Variants in TMEM135 observed in about 807,000 individuals in gnomAD.
TMEM135 encodes peroxisomal membrane protein 52.
TMEM135 carries 30 observed loss-of-function variants against 60.3 expected under a neutral mutation model. That is an observed-to-expected ratio of 0.50 (90% confidence interval 0.37 to 0.68). TMEM135 has a LOEUF of 0.68. Among genes scored for constraint, TMEM135 ranks in the 30% least tolerant of loss-of-function variants. The pLI is 0.00. For missense variants in TMEM135, 468 were observed against 548.8 expected (o/e 0.85, Z 1.47); for synonymous variants, 190 against 186.7 (o/e 1.02, Z -0.14).
chr11:87,176,629 G>C (rs1214487970), intron 5 of TMEM135, among the ~76,000 whole-genome samples: 1 of 152,122 alleles, frequency 6.6e-6, no homozygotes, highest in Non-Finnish European at 1.5e-5. Flanking sequence ...ATATACCTTT[G>C]AATTTTAGAG....
At chr11:87,090,528 ATTTTC>A (rs981844645) in intron 3 of TMEM135, among the ~76,000 whole-genome samples, 8 of 152,032 alleles carry the variant, frequency 5.3e-5, no homozygotes, top group Non-Finnish European at 1.2e-4. Flanking sequence ...TATATATTTT[ATTTTC>A]TTTGAGTACT....
intron 3 of TMEM135, among the ~76,000 whole-genome samples, chr11:87,072,274 T>G (rs1204879409): frequency 6.6e-6 from 1 of 152,170 alleles, no homozygotes; most frequent in Non-Finnish European, 1.5e-5. Context: ...CTTAAGAAAA[T>G]TAACAATAGT....
chr11:87,266,781 A>C (rs1446236088), intron 6 of TMEM135, among the ~76,000 whole-genome samples: 7 of 152,192 alleles, frequency 4.6e-5, no homozygotes. Context: ...CAAAGGCCTG[A>C]AGAGAATTTA....
At chr11:87,067,999 G>A (rs764609270) in intron 2 of TMEM135, among the ~76,000 whole-genome samples, 178 bp downstream of exon 2, 6 of 151,828 alleles carry the variant, frequency 4.0e-5, no homozygotes, top group Non-Finnish European at 8.8e-5. Flanking sequence ...GCCTCTTGAC[G>A]TCAAGATGTA....
rs1244839891 is a variant in TMEM135 at position 87,323,765 on chromosome 11, G to A, written c.*2432G>A. 4.4e-6 allele frequency: 2 copies of A among 453,870 alleles called. No homozygotes were observed. Among genetic ancestry groups the A allele is most frequent in the Non-Finnish European group, 8.8e-6 (2 of 226,716 alleles). 28.1% of individuals were successfully genotyped at this position (453,870 alleles called of 1,614,324 possible). A position where few individuals can be genotyped will look rare whatever the true frequency, so the allele number is the denominator to read the frequency against. On this transcript the variant is annotated 3_prime_UTR_variant, in exon 15 of 15. Transcript: ENST00000305494. ...GATTGAGTTTGCAAGATAACAGATT[G>A]TCTCAAATCTATTCAATTCTCAGCA...
chr11:87,255,767 A>G (rs548984627), intron 6 of TMEM135, among the ~76,000 whole-genome samples: 2 of 152,244 alleles, frequency 1.3e-5, no homozygotes, highest in South Asian at 4.1e-4. Context: ...TGCCTGTAAG[A>G]GAGGAAGTGA....
At chr11:87,308,191 T>C (rs1942583897) in intron 9 of TMEM135, among the ~76,000 whole-genome samples, 1 of 152,200 alleles carries the variant, frequency 6.6e-6, no homozygotes, top group Non-Finnish European at 1.5e-5. Context: ...ATCCCCAGCA[T>C]CTAGTGTAAT....
At chr11:87,176,303 A>G (rs552111840) in intron 5 of TMEM135, among the ~76,000 whole-genome samples, 43 of 152,250 alleles carry the variant, frequency 2.8e-4, no homozygotes, top group African/African-American at 9.6e-4. Context: ...ATGTCTTCAC[A>G]TGCCGGCTCC....
intron 8 of TMEM135, among the ~76,000 whole-genome samples, chr11:87,305,257 G>A (rs1942519033): frequency 6.6e-6 from 1 of 151,932 alleles, no homozygotes; most frequent in Non-Finnish European, 1.5e-5. Context: ...AGCAATTTAA[G>A]GTTTCCAAAA....
rs537033276 is a variant in TMEM135, at chr11:87,196,188, TG to T, written c.462+38787del. ...TTGGAACAATATTTGTGACAGATTT[TG>T]GGGGAAATATTTTAGGATTTTGTGC... On this transcript the variant is annotated intron_variant, in intron 5 of 14. Coordinates refer to ENST00000305494, the MANE Select transcript of TMEM135 (RefSeq NM_022918.4). 8.2e-3 allele frequency among the ~76,000 whole-genome samples: 1,251 copies of T among 152,314 alleles called. 9 individuals are homozygous for T. The highest frequency in any genetic ancestry group is 0.018 in the South Asian group (87 of 4,826).
intron 5 of TMEM135, among the ~76,000 whole-genome samples, chr11:87,174,103 T>G (rs898724359): frequency 2.0e-5 from 3 of 152,124 alleles, no homozygotes; most frequent in African/African-American, 7.2e-5. Flanking sequence ...AAACTTAGTT[T>G]TGATAATTGC....
chr11:87,112,969 A>G (rs1291467263), intron 4 of TMEM135, among the ~76,000 whole-genome samples: 1 of 152,106 alleles, frequency 6.6e-6, no homozygotes, highest in Non-Finnish European at 1.5e-5. Flanking sequence ...TAGATTCTGG[A>G]ATTTTTTGCA....
chr11:87,295,871 T>TA, intron 7 of TMEM135, 48 bp downstream of exon 7: 1 of 1,419,156 alleles, frequency 7.0e-7, no homozygotes, highest in Non-Finnish European at 9.9e-7. Context: ...CAAGTTAACT[T>TA]AAAAAATTAT....
At chr11:87,113,120 C>T (rs1436179693) in intron 4 of TMEM135, among the ~76,000 whole-genome samples, 3 of 151,986 alleles carry the variant, frequency 2.0e-5, no homozygotes, top group African/African-American at 7.2e-5. Context: ...CTTTGTATCT[C>T]CAATAGTGAT....
intron 5 of TMEM135, among the ~76,000 whole-genome samples, chr11:87,224,407 A>C (rs1457545936): frequency 6.6e-6 from 1 of 152,204 alleles, no homozygotes; most frequent in East Asian, 1.9e-4. Flanking sequence ...TTGTCAAATG[A>C]CAGAAATCTG....
intron 4 of TMEM135, among the ~76,000 whole-genome samples, chr11:87,124,491 A>G (rs758680797): frequency 8.5e-5 from 13 of 152,092 alleles, no homozygotes; most frequent in Non-Finnish European, 1.3e-4. Context: ...GCATGGCTCA[A>G]ATGTGACCTG....
intron 5 of TMEM135, among the ~76,000 whole-genome samples, chr11:87,191,300 G>A (rs897902942): frequency 1.3e-5 from 2 of 151,856 alleles, no homozygotes; most frequent in Non-Finnish European, 2.9e-5. Context: ...GAGTGCAGTG[G>A]CACGATCTCG....
rs374012341 is a variant in TMEM135, at chr11:87,134,648, A to T, written c.397-22693A>T. On this transcript the variant is annotated intron_variant, in intron 4 of 14. Transcript: ENST00000305494. ...AGGCATGTGCCACCAGGCCTGGCTT[A>T]TTTATTTATTTATTTTTGTAGAGGT... Among the ~76,000 whole-genome samples the T allele has an allele frequency of 7.9e-5, 12 of 152,066 alleles. No individual in the cohort carries two copies. The South Asian group carries it at 1.7e-3, about 21-fold the overall frequency.
intron 5 of TMEM135, among the ~76,000 whole-genome samples, chr11:87,186,819 T>C (rs559088334): frequency 3.3e-5 from 5 of 152,282 alleles, no homozygotes; most frequent in African/African-American, 9.6e-5. Flanking sequence ...TTTTTTACTC[T>C]GTGATATCCC....
Sources: allele counts gnomAD v4.1 joint callset (sites outside exome capture counted in the v4.1 genomes callset), GRCh38; gene constraint gnomAD v4.1.1; transcripts MANE v1.5; gene names NCBI Gene and HGNC (gene_info 2026-07-23, HGNC 2026-07-21).